Variants in ATP6V0D1 observed in about 807,000 individuals in gnomAD.
ATP6V0D1 encodes ATPase H+ transporting V0 subunit d1.
A neutral mutation model predicts 39.0 loss-of-function variants in ATP6V0D1; 13 were observed. The ratio of observed to expected loss-of-function variants is 0.33; its 90% CI spans 0.22 to 0.53. The LOEUF is 0.53. Ranked by LOEUF, ATP6V0D1 falls within the 20% of genes least tolerant of loss-of-function variation. The probability of loss-of-function intolerance (pLI) is 0.94; values close to 1 mark genes in which losing one functional copy is unlikely to be tolerated. For missense variants in ATP6V0D1, 272 were observed against 470.9 expected (o/e 0.58, Z 3.91); for synonymous variants, 191 against 191.2 (o/e 1.00, Z 0.01).
intron 1 of ATP6V0D1, among the ~76,000 whole-genome samples, chr16:67,467,070 C>G (rs2041336148): frequency 6.6e-6 from 1 of 151,894 alleles, no homozygotes. Flanking sequence ...TCTCTACTGC[C>G]TAGTATGTGT....
At chr16:67,452,595 G>A (rs1395376728) in intron 2 of ATP6V0D1, among the ~76,000 whole-genome samples, 1 of 152,166 alleles carries the variant, frequency 6.6e-6, no homozygotes, top group Non-Finnish European at 1.5e-5. Flanking sequence ...TCACCATACT[G>A]CACACTCACA....
At chr16:67,442,495 C>T (rs1027328193) in intron 4 of ATP6V0D1, among the ~76,000 whole-genome samples, 2 of 151,500 alleles carry the variant, frequency 1.3e-5, no homozygotes, top group East Asian at 3.9e-4. Flanking sequence ...CTCTCCTCTC[C>T]GGTCCCCTGG....
intron 1 of ATP6V0D1, among the ~76,000 whole-genome samples, chr16:67,473,228 G>A (rs902418363): frequency 2.0e-5 from 3 of 152,134 alleles, no homozygotes; most frequent in East Asian, 1.9e-4. Context: ...GCTGGGGGGG[G>A]TGGCGCAGCA....
chr16:67,448,825 A>G (rs1408889908), intron 2 of ATP6V0D1, among the ~76,000 whole-genome samples: 3 of 152,092 alleles, frequency 2.0e-5, no homozygotes, highest in Admixed American at 6.6e-5. Context: ...TGACCCCAGG[A>G]GAAGAGTGAA....
intron 1 of ATP6V0D1, among the ~76,000 whole-genome samples, chr16:67,466,639 C>T (rs1029848803): frequency 6.6e-5 from 10 of 151,980 alleles, no homozygotes; most frequent in African/African-American, 2.4e-4. Flanking sequence ...GTTTTGAGAC[C>T]AGACTGGCCA....
chr16:67,443,636 C>A (rs532405812), intron 3 of ATP6V0D1, among the ~76,000 whole-genome samples: 15 of 152,324 alleles, frequency 9.8e-5, no homozygotes, highest in African/African-American at 3.4e-4. Flanking sequence ...TAGGCACAGA[C>A]CAGCGACCCA....
chr16:67,468,599 GA>G lies in ATP6V0D1; in HGVS notation c.130+12357del, dbSNP rs1220639385. 9.0e-3 allele frequency among the ~76,000 whole-genome samples: 756 copies of G among 84,370 alleles called. 11 individuals are homozygous for G. The highest frequency in any genetic ancestry group is 0.026 in the African/African-American group (599 of 22,878). 55.3% of individuals were successfully genotyped at this position (84,370 alleles called of 152,430 possible). On this transcript the variant is annotated intron_variant, in intron 1 of 7. Transcript: ENST00000290949. ...CAAGACCCAGTCTCAAAAAGAAAAA[GA>G]AAAAAAAAAAAGAAGGAAGGAAAGA...
In ATP6V0D1 at chr16:67,438,767, C is replaced by T. The variant is rs774521136; in HGVS notation, c.894+26G>A. On this transcript the variant is annotated intron_variant, in intron 7 of 7. Coordinates refer to ENST00000290949, the MANE Select transcript of ATP6V0D1 (RefSeq NM_004691.5). Reference sequence around the variant, plus strand: ...TCTAAACCACCAGGTTGGCCTCCCTCTGACAAGCAGACCCTGCAGACTCAC... The same window carrying T: ...TCTAAACCACCAGGTTGGCCTCCCTTTGACAAGCAGACCCTGCAGACTCAC... 4.3e-6 allele frequency: 7 copies of T among 1,614,076 alleles called. No individual in the cohort carries two copies. In the African/African-American group the frequency reaches 9.3e-5, roughly 22 times the overall value.
At chr16:67,478,969 G>A (rs140527396) in intron 1 of ATP6V0D1, among the ~76,000 whole-genome samples, 53 of 152,124 alleles carry the variant, frequency 3.5e-4, no homozygotes, top group African/African-American at 1.1e-3. Context: ...AAAGACCTTC[G>A]ACAAGTCCCA....
intron 2 of ATP6V0D1, chr16:67,452,335 C>T (rs774506123): frequency 1.3e-6 from 2 of 1,535,614 alleles, no homozygotes; most frequent in South Asian, 2.4e-5. Flanking sequence ...CCTGGCCCTT[C>T]AGGTGTCCCA....
At position 67,438,267 on chromosome 16, in the gene ATP6V0D1, C is replaced by T; in HGVS notation, c.*261G>A. On this transcript the variant is annotated 3_prime_UTR_variant, in exon 8 of 8. Coordinates refer to ENST00000290949, the MANE Select transcript of ATP6V0D1 (RefSeq NM_004691.5). ...TTAGATACATCAGCGGCTGTAACCA[C>T]AGGGCTGAGGGGGCCTCCTTGCTCT... 4 of 530,674 alleles carry T rather than the reference C, an allele frequency of 7.5e-6. No homozygotes were observed. The highest frequency in any genetic ancestry group is 1.3e-5 in the Non-Finnish European group (4 of 296,532). The allele number at this position is 530,674 out of a possible 1,614,324, so 32.9% of individuals were successfully genotyped here. A position where few individuals can be genotyped will look rare whatever the true frequency, so the allele number is the denominator to read the frequency against.
At chr16:67,455,349 C>G (rs1223450658) in intron 1 of ATP6V0D1, 1 of 152,206 alleles carries the variant, frequency 6.6e-6, no homozygotes. Flanking sequence ...CAGGAGAAGA[C>G]AGCCCCAACC....
intron 1 of ATP6V0D1, among the ~76,000 whole-genome samples, chr16:67,477,201 T>C (rs527500848): frequency 9.2e-5 from 14 of 151,814 alleles, no homozygotes; most frequent in African/African-American, 3.4e-4. Flanking sequence ...ATCAGTAAAA[T>C]TGAGATGGAT....
Position 67,453,494 on chromosome 16 carries a change from G to T in ATP6V0D1, c.302+50C>A. On this transcript the variant is annotated intron_variant, in intron 2 of 7. Coordinates refer to ENST00000290949, the MANE Select transcript of ATP6V0D1 (RefSeq NM_004691.5). This position sits in a 1 kb window ranked among gnomAD's most constrained non-coding sequence, Gnocchi z 4.1. ...CACACTGAACCCAGCTCCTGCAGGT[G>T]TAGCTATCCTGCCCAGGTAAGAGAA... 2 of 1,595,826 alleles carry T rather than the reference G, an allele frequency of 1.3e-6. No individual in the cohort carries two copies. Among genetic ancestry groups the T allele is most frequent in the Middle Eastern group, 1.7e-4 (1 of 5,984 alleles).
chr16:67,480,586 T>C (rs951107097), intron 1 of ATP6V0D1, among the ~76,000 whole-genome samples: 1 of 151,958 alleles, frequency 6.6e-6, no homozygotes, highest in African/African-American at 2.4e-5. Context: ...CCGCTTAGCT[T>C]CCCTAAGGGT....
intron 1 of ATP6V0D1, among the ~76,000 whole-genome samples, chr16:67,461,946 C>CT (rs2041292430): frequency 6.6e-6 from 1 of 152,196 alleles, no homozygotes; most frequent in Non-Finnish European, 1.5e-5. Context: ...TCAGGAACAC[C>CT]TTGTCCCTGA....
chr16:67,438,371 C>T lies in ATP6V0D1; in HGVS notation c.*157G>A. ...GCCTAAGAACAGTCTCTAAGAGGGTCAGGAGAACTGGGCAGCCGCTAGGAC... is the reference window on the plus strand; with the variant it reads ...GCCTAAGAACAGTCTCTAAGAGGGTTAGGAGAACTGGGCAGCCGCTAGGAC... On this transcript the variant is annotated 3_prime_UTR_variant, in exon 8 of 8. Transcript: ENST00000290949. 1 of 876,660 alleles carries T rather than the reference C, an allele frequency of 1.1e-6. No homozygotes were observed. The highest frequency in any genetic ancestry group is 1.7e-6 in the Non-Finnish European group (1 of 578,714). The allele number at this position is 876,660 out of a possible 1,614,324, so 54.3% of individuals were successfully genotyped here. A position where few individuals can be genotyped will look rare whatever the true frequency, so the allele number is the denominator to read the frequency against.
At chr16:67,452,195 C>G (rs1473346812) in intron 2 of ATP6V0D1, 1 of 1,530,100 alleles carries the variant, frequency 6.5e-7, no homozygotes, top group African/African-American at 1.4e-5. Context: ...CAAGAGACAC[C>G]CCATTACCAG....
At chr16:67,475,312 G>A (rs536067536) in intron 1 of ATP6V0D1, among the ~76,000 whole-genome samples, 2 of 152,316 alleles carry the variant, frequency 1.3e-5, no homozygotes, top group East Asian at 1.9e-4. Flanking sequence ...TGCGACTGGC[G>A]ATTGGCCAAG....
Sources: gnomAD v4.1 joint callset for allele counts (sites outside exome capture counted in the v4.1 genomes callset) on GRCh38, gnomAD v4.1.1 for gene constraint, Gnocchi (gnomAD v3.1) non-coding constraint, MANE v1.5 for transcripts, NCBI Gene and HGNC (gene_info 2026-07-23, HGNC 2026-07-21) for gene names.